Variants in VKORC1L1 observed in about 807,000 individuals in gnomAD.
The protein encoded by VKORC1L1 is vitamin K epoxide reductase complex subunit 1-like protein 1.
A neutral mutation model predicts 18.9 loss-of-function variants in VKORC1L1; 2 were observed. That is an observed-to-expected ratio of 0.11 (90% CI 0.04 to 0.33). The LOEUF (loss-of-function observed/expected upper bound fraction) is 0.33, where lower values mean the gene tolerates loss of function less well. Ranked by LOEUF, VKORC1L1 falls within the 10% of genes least tolerant of loss-of-function variation. The pLI is 1.00. For synonymous variants in VKORC1L1, 96 were observed against 100.0 expected, an observed-to-expected ratio of 0.96 and a Z score of 0.24; for missense variants, 123 against 224.1, an observed-to-expected ratio of 0.55 and a Z score of 2.88.
upstream of VKORC1L1, among the ~76,000 whole-genome samples, chr7:65,868,459 A>G (rs570052205): frequency 6.6e-6 from 1 of 152,328 alleles, no homozygotes; most frequent in South Asian, 2.1e-4. Flanking sequence ...CCAACCAGCA[A>G]TCTCACTACT....
intron 2 of VKORC1L1, among the ~76,000 whole-genome samples, chr7:65,950,173 CTT>C (rs1484355969): frequency 6.6e-6 from 1 of 151,878 alleles, no homozygotes; most frequent in Non-Finnish European, 1.5e-5. Context: ...AATTTTTACT[CTT>C]TTTAATTTCC....
At chr7:65,938,893 C>T (rs554926893) in intron 1 of VKORC1L1, among the ~76,000 whole-genome samples, 10 of 152,164 alleles carry the variant, frequency 6.6e-5, no homozygotes, top group Non-Finnish European at 1.2e-4. Context: ...CCAAGCACTC[C>T]GGGGGCTTTG....
At chr7:65,887,547 A>G (rs991908861) in intron 1 of VKORC1L1, among the ~76,000 whole-genome samples, 23 of 151,872 alleles carry the variant, frequency 1.5e-4, no homozygotes, top group African/African-American at 5.1e-4. Flanking sequence ...CTCCACTTCC[A>G]TTTTATTTGT....
chr7:65,891,980 G>A (rs1161621844), intron 1 of VKORC1L1, among the ~76,000 whole-genome samples: 2 of 151,942 alleles, frequency 1.3e-5, no homozygotes, highest in African/African-American at 4.8e-5. Context: ...CCTTTACTCT[G>A]TCTACATGGG....
chr7:65,873,856 C>G (rs183132778), intron 1 of VKORC1L1, among the ~76,000 whole-genome samples: 5,628 of 147,714 alleles, frequency 0.038, 160 homozygotes, highest in East Asian at 0.089. Flanking sequence ...AGCGGTCGGG[C>G]GGGCTGGGGC....
At position 65,895,253 on chromosome 7, in the gene VKORC1L1, C is replaced by T. The variant is rs574792060; in HGVS notation, c.194+21688C>T. On this transcript the variant is annotated intron_variant, in intron 1 of 2. Coordinates refer to ENST00000360768, the MANE Select transcript of VKORC1L1 (RefSeq NM_173517.6). ...GCACAAGTTAGATGGGATATGAAAA[C>T]AGAAACATTTAAGTCTAAAGAAGCT... is the stretch of plus-strand genomic sequence containing the variant. 4.6e-5 allele frequency among the ~76,000 whole-genome samples: 7 copies of T among 151,694 alleles called. 1 individual carries two copies. In the South Asian group the frequency reaches 1.5e-3, roughly 32 times the overall value.
intron 1 of VKORC1L1, among the ~76,000 whole-genome samples, chr7:65,906,944 T>G (rs1008114449): frequency 3.3e-5 from 5 of 152,122 alleles, no homozygotes; most frequent in African/African-American, 1.2e-4. Context: ...TAATTATGGG[T>G]TTTTTCCTAG....
chr7:65,891,069 T>C (rs1219710729), intron 1 of VKORC1L1, among the ~76,000 whole-genome samples: 2 of 151,944 alleles, frequency 1.3e-5, no homozygotes, highest in Non-Finnish European at 2.9e-5. Context: ...GTAAGGACTC[T>C]GCTGTGTCTG....
intron 2 of VKORC1L1, among the ~76,000 whole-genome samples, chr7:65,949,230 A>G (rs1368778676): frequency 6.6e-6 from 1 of 152,174 alleles, no homozygotes; most frequent in Admixed American, 6.5e-5. Context: ...CTGTAATCCC[A>G]GCACTTAGGG....
At chr7:65,904,382 T>C (rs1199217765) in intron 1 of VKORC1L1, among the ~76,000 whole-genome samples, 1 of 152,116 alleles carries the variant, frequency 6.6e-6, no homozygotes, top group Non-Finnish European at 1.5e-5. Context: ...TTTTTGTATT[T>C]TTAGTAGAGA....
At chr7:65,874,004 C>T (rs1583816533) in intron 1 of VKORC1L1, among the ~76,000 whole-genome samples, 1 of 152,238 alleles carries the variant, frequency 6.6e-6, no homozygotes, top group East Asian at 1.9e-4. Flanking sequence ...ACCTCTTGTC[C>T]CCCCGATCGC....
chr7:65,922,531 G>A (rs1277054539), intron 1 of VKORC1L1, among the ~76,000 whole-genome samples: 3 of 152,156 alleles, frequency 2.0e-5, no homozygotes, highest in East Asian at 1.9e-4. Context: ...TGATCTGCCC[G>A]CCTCAGCCTC....
intron 2 of VKORC1L1, among the ~76,000 whole-genome samples, chr7:65,949,523 A>G (rs1431051924): frequency 6.6e-6 from 1 of 151,282 alleles, no homozygotes. Context: ...ACTTGGGGCC[A>G]GGTGCAGTGG....
chr7:65,896,731 T>A (rs527335584), intron 1 of VKORC1L1, among the ~76,000 whole-genome samples: 7 of 152,288 alleles, frequency 4.6e-5, no homozygotes, highest in African/African-American at 1.7e-4. Flanking sequence ...CTGGGCCTGG[T>A]GGCTCATGCC....
chr7:65,872,864 G>C (rs1360731068), upstream of VKORC1L1, among the ~76,000 whole-genome samples: 1 of 151,986 alleles, frequency 6.6e-6, no homozygotes, highest in African/African-American at 2.4e-5. Flanking sequence ...CCGAGGGTTC[G>C]CCCAGTCACC....
the VKORC1L1 span, among the ~76,000 whole-genome samples, chr7:65,867,123 G>T: frequency 5.8e-4 from 89 of 152,240 alleles, no homozygotes; most frequent in East Asian, 4.4e-3. Context: ...GGAAGCAGAG[G>T]TTGCAGTGAG....
Position 65,931,126 on chromosome 7 carries a change from A to G in VKORC1L1, c.195-17545A>G, listed in dbSNP as rs184708665. ...TGTATATTGCTGGATTTGATTTACC[A>G]TATTTTGTTGAGGGGTTTTAAGAGT... On this transcript the variant is annotated intron_variant, in intron 1 of 2. Coordinates refer to ENST00000360768, the MANE Select transcript of VKORC1L1 (RefSeq NM_173517.6). Among the ~76,000 whole-genome samples, 616 of 151,290 alleles carry G rather than the reference A, an allele frequency of 4.1e-3. 5 individuals carry two copies. The highest frequency in any genetic ancestry group is 0.028 in the East Asian group (146 of 5,146).
intron 1 of VKORC1L1, among the ~76,000 whole-genome samples, chr7:65,946,290 G>A (rs1790118194): frequency 6.6e-6 from 1 of 150,734 alleles, no homozygotes; most frequent in Non-Finnish European, 1.5e-5. Context: ...TCATGAGACC[G>A]ATTGCTTACC....
At chr7:65,937,693 C>T (rs940544569) in intron 1 of VKORC1L1, among the ~76,000 whole-genome samples, 4 of 152,186 alleles carry the variant, frequency 2.6e-5, no homozygotes, top group Admixed American at 6.5e-5. Flanking sequence ...GCATTACAGG[C>T]GTGAGGCAGT....
Sources: allele counts gnomAD v4.1 joint callset (sites outside exome capture counted in the v4.1 genomes callset), GRCh38; gene constraint gnomAD v4.1.1; transcripts MANE v1.5; gene names NCBI Gene and HGNC (gene_info 2026-07-23, HGNC 2026-07-21).